CCDC171: variants seen among roughly 807,000 people sequenced by gnomAD.
The protein encoded by CCDC171 is coiled-coil domain-containing protein 171.
Under a neutral mutation model 168.2 loss-of-function variants are expected in CCDC171, and 177 were observed. The observed-to-expected ratio is 1.05, with a 90% confidence interval of 0.93 to 1.19. CCDC171 has a LOEUF of 1.19. CCDC171 is among the 50% of genes most tolerant of loss of function. The pLI, the probability that CCDC171 is intolerant of heterozygous loss-of-function variation, is 0.00. For synonymous variants in CCDC171, 687 were observed against 540.8 expected (o/e 1.27, Z -3.75); for missense variants, 1,991 against 1,539.0 (o/e 1.29, Z -4.91).
chr9:15,713,713 A>G (rs1327097400), intron 11 of CCDC171, among the ~76,000 whole-genome samples: 3 of 152,138 alleles, frequency 2.0e-5, no homozygotes, highest in Non-Finnish European at 2.9e-5. Context: ...ATCCACTCAT[A>G]AGGACCTGTG....
At chr9:15,807,053 T>C (rs1414169377) in intron 21 of CCDC171, among the ~76,000 whole-genome samples, 2 of 152,202 alleles carry the variant, frequency 1.3e-5, no homozygotes. Flanking sequence ...TTGTAGTGTG[T>C]TTTTCCCCTC....
chr9:15,592,218 A>G (rs761971911), intron 5 of CCDC171, among the ~76,000 whole-genome samples: 1 of 151,856 alleles, frequency 6.6e-6, no homozygotes, highest in Admixed American at 6.6e-5. Flanking sequence ...AGTTCCAGCT[A>G]GTAGGGAGGT....
intron 15 of CCDC171, among the ~76,000 whole-genome samples, 198 bp from the exon 16 acceptor site, chr9:15,729,412 C>A (rs1396938939): frequency 6.6e-6 from 1 of 152,022 alleles, no homozygotes; most frequent in Non-Finnish European, 1.5e-5. Context: ...ACAAGTAACA[C>A]AATTTTCTGC....
intron 6 of CCDC171, among the ~76,000 whole-genome samples, chr9:15,595,513 G>A (rs867968276): frequency 6.6e-6 from 1 of 152,264 alleles, no homozygotes; most frequent in South Asian, 2.1e-4. Context: ...ATTCCATGGT[G>A]TATATGTGCT....
At chr9:15,852,280 T>C (rs2061162002) in intron 23 of CCDC171, among the ~76,000 whole-genome samples, 1 of 151,848 alleles carries the variant, frequency 6.6e-6, no homozygotes, top group South Asian at 2.1e-4. Context: ...TCCTAGTGAC[T>C]ACTATGTAGT....
intron 11 of CCDC171, among the ~76,000 whole-genome samples, chr9:15,713,399 A>G (rs1417436924): frequency 6.6e-6 from 1 of 152,090 alleles, no homozygotes; most frequent in Non-Finnish European, 1.5e-5. Flanking sequence ...AAAGCAATGT[A>G]ACAGGAATAG....
chr9:15,654,186 A>G (rs1021928222), intron 7 of CCDC171, among the ~76,000 whole-genome samples: 2 of 151,808 alleles, frequency 1.3e-5, no homozygotes, highest in Non-Finnish European at 2.9e-5. Flanking sequence ...TCATATTTGG[A>G]TTTATTGCTT....
chr9:15,599,476 C>T (rs12552202), intron 6 of CCDC171, among the ~76,000 whole-genome samples: 2,756 of 152,144 alleles, frequency 0.018, 153 homozygotes, highest in Admixed American at 0.11. Context: ...GAATATTGGC[C>T]CCCACTCTCT....
In CCDC171 at chr9:15,695,284, A is replaced by G. The variant is rs1370957290; in HGVS notation, c.1265A>G (p.Lys422Arg). The G allele has an allele frequency of 6.2e-7, 1 of 1,614,036 alleles. No individual in the cohort carries two copies. Among genetic ancestry groups the G allele is most frequent in the Non-Finnish European group, 8.5e-7 (1 of 1,180,000 alleles). Reference sequence around the variant, plus strand: ...GTAGAGACATGTGAAAATAACGTGAAAGAATTGGAATCGATCTTGGACAGC... The same window carrying G: ...GTAGAGACATGTGAAAATAACGTGAGAGAATTGGAATCGATCTTGGACAGC... Reference protein sequence around the residue: ...FLVETCENNVKELESILDSFT... With the variant: ...FLVETCENNVRELESILDSFT... The change falls in exon 11 of 26, where the codon AAA becomes AGA. Residue 422 changes from lysine to arginine, a missense_variant. Coordinates refer to ENST00000380701, the MANE Select transcript of CCDC171 (RefSeq NM_173550.4).
intron 24 of CCDC171, among the ~76,000 whole-genome samples, chr9:15,918,105 C>G (rs1037027704): frequency 2.0e-5 from 3 of 151,610 alleles, no homozygotes; most frequent in Admixed American, 6.6e-5. Flanking sequence ...GACCATTGTA[C>G]AACTAATTGT....
chr9:16,001,598 T>A (rs986193978), intron 3 of CCDC171, among the ~76,000 whole-genome samples: 11 of 152,082 alleles, frequency 7.2e-5, no homozygotes, highest in Admixed American at 2.6e-4. Flanking sequence ...ATGAACCGCA[T>A]ATATGATGGT....
intron 18 of CCDC171, among the ~76,000 whole-genome samples, chr9:15,765,844 A>T (rs879273192): frequency 1.3e-5 from 2 of 152,126 alleles, no homozygotes; most frequent in Non-Finnish European, 2.9e-5. Context: ...AATTGTTGGG[A>T]GAAAATTCTC....
At chr9:15,613,943 C>T (rs1320914070) in intron 6 of CCDC171, among the ~76,000 whole-genome samples, 2 of 152,180 alleles carry the variant, frequency 1.3e-5, no homozygotes, top group Non-Finnish European at 2.9e-5. Context: ...AATGAAATCT[C>T]TACTTGGTTT....
chr9:16,010,761 C>T lies in CCDC171; in HGVS notation n.369-9828C>T, dbSNP rs536936956. On this transcript the variant is annotated intron_variant and non_coding_transcript_variant, in intron 3 of 9. Coordinates refer to the CCDC171 transcript ENST00000486641. ...GTCAACAGTTTATTAAAAAAAAAAA[C>T]CCAAACCTCTGGAGCATGGAATGCT... is the stretch of plus-strand genomic sequence containing the variant. 8.1e-5 allele frequency among the ~76,000 whole-genome samples: 9 copies of T among 111,454 alleles called. No homozygotes were observed. The Admixed American group carries it at 8.1e-4, about 10-fold the overall frequency. 73.1% of individuals were successfully genotyped at this position (111,454 alleles called of 152,430 possible).
At chr9:15,735,254 A>G (rs1362977041) in intron 16 of CCDC171, among the ~76,000 whole-genome samples, 3 of 152,216 alleles carry the variant, frequency 2.0e-5, no homozygotes, top group East Asian at 1.9e-4. Context: ...GAATTTAAAT[A>G]CGTTGAGCCA....
chr9:15,586,971 CTAAT>C (rs1321340101), intron 4 of CCDC171, among the ~76,000 whole-genome samples: 1 of 152,010 alleles, frequency 6.6e-6, no homozygotes, highest in African/African-American at 2.4e-5. Context: ...CCACACGTGA[CTAAT>C]TAAAAAAAAT....
chr9:15,813,147 G>C (rs549465873), intron 21 of CCDC171, among the ~76,000 whole-genome samples: 1 of 152,328 alleles, frequency 6.6e-6, no homozygotes, highest in African/African-American at 2.4e-5. Context: ...GGGCTTGCTA[G>C]AGTGTGATTG....
chr9:15,704,667 G>T (rs1244278358), intron 11 of CCDC171, among the ~76,000 whole-genome samples: 1 of 152,114 alleles, frequency 6.6e-6, no homozygotes, highest in African/African-American at 2.4e-5. Flanking sequence ...TCAATTCTCT[G>T]TCTCCTTCAG....
At chr9:15,639,023 G>A (rs2046402037) in intron 7 of CCDC171, among the ~76,000 whole-genome samples, 1 of 152,000 alleles carries the variant, frequency 6.6e-6, no homozygotes, top group Non-Finnish European at 1.5e-5. Context: ...AATAAATTCT[G>A]AATTGCTTCT....
Sources: gnomAD v4.1 joint callset for allele counts (sites outside exome capture counted in the v4.1 genomes callset) on GRCh38, gnomAD v4.1.1 for gene constraint, MANE v1.5 for transcripts, NCBI Gene and HGNC (gene_info 2026-07-23, HGNC 2026-07-21) for gene names.